Variants in CNTNAP2 observed in about 807,000 individuals in gnomAD.
CNTNAP2 encodes the protein contactin associated protein 2.
A neutral mutation model predicts 155.2 loss-of-function variants in CNTNAP2; 98 were observed. The ratio of observed to expected loss-of-function variants is 0.63; its 90% CI spans 0.54 to 0.75. The LOEUF (loss-of-function observed/expected upper bound fraction) is 0.75, where lower values mean the gene tolerates loss of function less well. CNTNAP2 is among the 30% of genes least tolerant of loss of function. The pLI is 0.00. For synonymous variants in CNTNAP2, 651 were observed against 631.2 expected, an observed-to-expected ratio of 1.03 and a Z score of -0.47; for missense variants, 1,727 against 1,688.1, an observed-to-expected ratio of 1.02 and a Z score of -0.40.
chr7:147,971,490 A>C (rs1279157706), intron 14 of CNTNAP2, among the ~76,000 whole-genome samples: 1 of 152,128 alleles, frequency 6.6e-6, no homozygotes. Context: ...CCCGACAACC[A>C]CTAATCTCCT....
At chr7:148,148,769 T>C (rs1257572665) in intron 17 of CNTNAP2, among the ~76,000 whole-genome samples, 1 of 152,234 alleles carries the variant, frequency 6.6e-6, no homozygotes, top group Non-Finnish European at 1.5e-5. Flanking sequence ...ATTCATTTTG[T>C]GTGATGTCGG....
intron 8 of CNTNAP2, among the ~76,000 whole-genome samples, chr7:147,227,504 A>G (rs1803575288): frequency 6.6e-6 from 1 of 152,186 alleles, no homozygotes; most frequent in African/African-American, 2.4e-5. Flanking sequence ...AATATTACAA[A>G]TATCCAGGTC....
At chr7:147,763,626 T>C (rs851649) in intron 13 of CNTNAP2, among the ~76,000 whole-genome samples, 60,744 of 151,904 alleles carry the variant, frequency 0.4, 14,303 homozygotes, top group African/African-American at 0.67. Flanking sequence ...GAAGACTTAT[T>C]ACATATGGCA....
chr7:147,470,851 A>T (rs956278871), intron 10 of CNTNAP2, among the ~76,000 whole-genome samples: 6 of 152,142 alleles, frequency 3.9e-5, no homozygotes, highest in African/African-American at 1.4e-4. Context: ...TAATGAGATG[A>T]GATCACCAAG....
intron 13 of CNTNAP2, among the ~76,000 whole-genome samples, chr7:147,891,082 T>TA (rs1250327291): frequency 9.2e-5 from 14 of 152,044 alleles, no homozygotes; most frequent in East Asian, 3.9e-4. Flanking sequence ...CTATTTTTTT[T>TA]AAAAAGAATA....
intron 1 of CNTNAP2, among the ~76,000 whole-genome samples, chr7:146,465,504 C>T (rs557899078): frequency 6.6e-6 from 1 of 152,170 alleles, no homozygotes; most frequent in South Asian, 2.1e-4. Flanking sequence ...AAATTGAAGT[C>T]CTAGGTCTCA....
intron 8 of CNTNAP2, among the ~76,000 whole-genome samples, chr7:147,298,618 C>T (rs1380294146): frequency 6.6e-6 from 1 of 152,148 alleles, no homozygotes; most frequent in African/African-American, 2.4e-5. Flanking sequence ...TTAGTATAAA[C>T]CAACTAGTAA....
intron 1 of CNTNAP2, among the ~76,000 whole-genome samples, chr7:146,708,061 G>A (rs1205149378): frequency 6.6e-6 from 1 of 152,084 alleles, no homozygotes; most frequent in Non-Finnish European, 1.5e-5. Context: ...CCTGAGGCCT[G>A]AGAAGTAACA....
At chr7:147,739,132 CT>C (rs976903947) in intron 13 of CNTNAP2, among the ~76,000 whole-genome samples, 1 of 148,752 alleles carries the variant, frequency 6.7e-6, no homozygotes, top group Non-Finnish European at 1.5e-5. Flanking sequence ...GTCATTTTGT[CT>C]CTCTGAAGTT....
chr7:148,412,524 G>C (rs887017854), intron 23 of CNTNAP2, among the ~76,000 whole-genome samples: 1 of 152,222 alleles, frequency 6.6e-6, no homozygotes, highest in African/African-American at 2.4e-5. Flanking sequence ...GCATATAAAA[G>C]TATAATTGAT....
At chr7:147,242,960 A>C (rs1803972598) in intron 8 of CNTNAP2, among the ~76,000 whole-genome samples, 1 of 128,226 alleles carries the variant, frequency 7.8e-6, no homozygotes, top group Admixed American at 8.6e-5. Context: ...ATAAGTATTG[A>C]ATGTTGTATT....
intron 1 of CNTNAP2, among the ~76,000 whole-genome samples, chr7:146,414,333 T>C (rs557128455): frequency 6.6e-6 from 1 of 152,270 alleles, no homozygotes; most frequent in African/African-American, 2.4e-5. Flanking sequence ...TTAGCCCACA[T>C]AGGATTGTTT....
chr7:146,384,889 T>C (rs1795438562), intron 1 of CNTNAP2, among the ~76,000 whole-genome samples: 1 of 152,204 alleles, frequency 6.6e-6, no homozygotes, highest in Non-Finnish European at 1.5e-5. Context: ...TTTATTTGCC[T>C]GATTGAGCAT....
At chr7:146,848,927 C>T (rs1172228137) in intron 3 of CNTNAP2, among the ~76,000 whole-genome samples, 1 of 152,100 alleles carries the variant, frequency 6.6e-6, no homozygotes, top group Non-Finnish European at 1.5e-5. Context: ...CATGCACCAC[C>T]ATCCCATGCT....
chr7:148,165,687 G>A (rs1230259935), intron 17 of CNTNAP2, among the ~76,000 whole-genome samples: 3 of 152,094 alleles, frequency 2.0e-5, no homozygotes, highest in Admixed American at 1.3e-4. Context: ...TGCCATGAGC[G>A]GCGAAGCCAA....
chr7:146,359,528 T>C (rs1419247540), intron 1 of CNTNAP2, among the ~76,000 whole-genome samples: 2 of 152,230 alleles, frequency 1.3e-5, no homozygotes, highest in Non-Finnish European at 2.9e-5. Context: ...CACTGACAGA[T>C]TGCCATGGCT....
chr7:146,810,432 T>A (rs1803044437), intron 2 of CNTNAP2, among the ~76,000 whole-genome samples: 1 of 152,050 alleles, frequency 6.6e-6, no homozygotes. Flanking sequence ...CTGAGCATTT[T>A]ATTGTTTAGA....
chr7:146,300,580 G>A (rs182485681), intron 1 of CNTNAP2, among the ~76,000 whole-genome samples: 1 of 152,190 alleles, frequency 6.6e-6, no homozygotes, highest in Non-Finnish European at 1.5e-5. Context: ...TTGGCTGATA[G>A]ATACTTAAGA....
chr7:147,970,237 G>C (rs1320033132), intron 14 of CNTNAP2, among the ~76,000 whole-genome samples: 1 of 152,058 alleles, frequency 6.6e-6, no homozygotes, highest in African/African-American at 2.4e-5. Context: ...GAGATAGAAA[G>C]AATAAGAACA....
Sources: gnomAD v4.1 joint callset for allele counts (sites outside exome capture counted in the v4.1 genomes callset) on GRCh38, gnomAD v4.1.1 for gene constraint, MANE v1.5 for transcripts, NCBI Gene and HGNC (gene_info 2026-07-23, HGNC 2026-07-21) for gene names.